Variants in OPLAH observed in about 807,000 individuals in gnomAD.
The protein encoded by OPLAH is 5-oxoprolinase.
Under a neutral mutation model 122.8 loss-of-function variants are expected in OPLAH, and 103 were observed. The observed-to-expected ratio is 0.84, with a 90% CI of 0.71 to 0.99. The LOEUF (loss-of-function observed/expected upper bound fraction) is 0.99. Among genes scored for constraint, OPLAH ranks in the 50% least tolerant of loss-of-function variants. The pLI, the probability that OPLAH is intolerant of heterozygous loss-of-function variation, is 0.00. For synonymous variants in OPLAH, 875 were observed against 796.0 expected (o/e 1.10, Z -1.67); for missense variants, 1,902 against 1,836.5 (o/e 1.04, Z -0.65).
chr8:144,058,840 C>A lies in OPLAH; in HGVS notation c.520G>T (p.Gly174Trp). 1 of 1,582,000 alleles carries A rather than the reference C, an allele frequency of 6.3e-7. No homozygotes were observed. The highest frequency in any genetic ancestry group is 2.3e-5 in the East Asian group (1 of 42,562). The part of the protein sequence containing the change: ...QQPVDLGALR[G>W]KLEGLLSRGI... The stretch of plus-strand genomic sequence containing the variant: ...CGAGATAGCAGCCCCTCCAGCTTCC[C>A]ACGCAGGGCCCCCAGGTCCACAGGC... The change falls in exon 5 of 27, where the codon GGG (glycine) becomes TGG (tryptophan). Residue 174 changes from glycine (G) to tryptophan (W), a missense_variant. Transcript: ENST00000618853.
At chr8:144,063,300 T>C (rs1835692471), upstream of OPLAH, among the ~76,000 whole-genome samples, 1 of 152,146 alleles carries the variant, frequency 6.6e-6, no homozygotes, top group South Asian at 2.1e-4. The surrounding 1 kb of genome is among the most constrained non-coding windows in gnomAD (Gnocchi z 4.2). Flanking sequence ...CCTGTTACTT[T>C]CACCTTCAGA....
chr8:144,051,662 C>T, intron 26 of OPLAH, 67 bp downstream of exon 26: 2 of 1,364,928 alleles, frequency 1.5e-6, no homozygotes, highest in Non-Finnish European at 2.0e-6. Context: ...GCAACTGTTC[C>T]CCCTCTGTGG....
At position 144,056,619 on chromosome 8, in the gene OPLAH, G is replaced by T. The variant is rs377081217; in HGVS notation, c.1843C>A (p.Arg615=). The T allele has an allele frequency of 6.2e-7, 1 of 1,612,106 alleles. No individual in the cohort carries two copies. Among genetic ancestry groups the T allele is most frequent in the Non-Finnish European group, 8.5e-7 (1 of 1,179,772 alleles). ...ATCCGGAGTCAGGAAGCCACGTACC[G>T]CTCCACAAAGGCTGCCCCGAAGTCC... ...AGDFGAAFVE[R]YMREFGFVIP... Residue 615 remains arginine, a splice_region_variant and synonymous_variant, in exon 13 of 27, where the codon CGG becomes AGG. Coordinates refer to ENST00000618853, the MANE Select transcript of OPLAH (RefSeq NM_017570.5).
Position 144,051,482 on chromosome 8 carries a change from CGG to C in OPLAH, c.3721-12_3721-11del. 5.4e-5 allele frequency: 15 copies of C among 278,082 alleles called. No homozygotes were observed. The highest frequency in any genetic ancestry group is 9.0e-5 in the East Asian group (1 of 11,092). The allele number at this position is 278,082 out of a possible 1,614,324, so 17.2% of individuals were successfully genotyped here. A position where few individuals can be genotyped will look rare whatever the true frequency, so the allele number is the denominator to read the frequency against. ...GGAGACAGAACACATCCTGTTGGCG[CGG>C]GGGGGGGCGGGGAGGCGGGCTCAGT... On this transcript the variant is annotated splice_polypyrimidine_tract_variant and intron_variant, in intron 26 of 26. Transcript: ENST00000618853.
At position 144,057,268 on chromosome 8, in the gene OPLAH, C is replaced by G; in HGVS notation, c.1475G>C (p.Gly492Ala). The change falls in exon 11 of 27, where the codon GGT becomes GCT. Residue 492 changes from glycine to alanine, a missense_variant. Physicochemically the swap from Gly to Ala is moderately conservative, Grantham distance 60. Coordinates refer to ENST00000618853, the MANE Select transcript of OPLAH (RefSeq NM_017570.5). Reference sequence around the variant, plus strand: ...GGCGATGGCACATGCATGCTGCCCACCAGCTCCCCCAAAGCAGGCCAGCAC... The same window carrying G: ...GGCGATGGCACATGCATGCTGCCCAGCAGCTCCCCCAAAGCAGGCCAGCAC... ...AHVLACFGGA[G>A]GQHACAIARA... 2 of 1,612,438 alleles carry G rather than the reference C, an allele frequency of 1.2e-6. No homozygotes were observed. Among genetic ancestry groups the G allele is most frequent in the Middle Eastern group, 1.6e-4 (1 of 6,062 alleles).
Position 144,056,415 on chromosome 8 carries a change from T to C in OPLAH, c.1953A>G (p.Lys651=). Residue 651 remains lysine, a synonymous_variant, in exon 14 of 27, where the codon AAA becomes AAG. Coordinates refer to ENST00000618853, the MANE Select transcript of OPLAH (RefSeq NM_017570.5). ...RSGLRLEDAP[K]AQTGPPRVDK... ...CCACCCGGGGAGGCCCGGTCTGGGC[T>C]TTGGGGGCATCCTCGAGGCGAAGAC... The C allele has an allele frequency of 6.2e-7, 1 of 1,608,626 alleles. No homozygotes were observed. Among genetic ancestry groups the C allele is most frequent in the Non-Finnish European group, 8.5e-7 (1 of 1,178,290 alleles).
intron 11 of OPLAH, 39 bp from the exon 12 acceptor site, chr8:144,057,157 C>T (rs1554759451): frequency 6.3e-7 from 1 of 1,595,760 alleles, no homozygotes; most frequent in Non-Finnish European, 8.5e-7. Context: ...AGGTCACCTC[C>T]CAAGCCCGGC....
In OPLAH at chr8:144,055,761, A is replaced by C; in HGVS notation, c.2248+27T>G. 1 of 1,481,254 alleles carries C rather than the reference A, an allele frequency of 6.8e-7. No individual in the cohort carries two copies. Among genetic ancestry groups the C allele is most frequent in the Non-Finnish European group, 9.0e-7 (1 of 1,108,178 alleles). The allele number at this position is 1,481,254 out of a possible 1,614,324, so 91.8% of individuals were successfully genotyped here. A position where few individuals can be genotyped will look rare whatever the true frequency, so the allele number is the denominator to read the frequency against. On this transcript the variant is annotated intron_variant, in intron 16 of 26. Coordinates refer to ENST00000618853, the MANE Select transcript of OPLAH (RefSeq NM_017570.5). The surrounding 1 kb of genome is among the most constrained non-coding windows in gnomAD (Gnocchi z 6.5). Reference sequence around the variant, plus strand: ...CATGACACAGCCGGCGCCTCATCCCACAGGGAGCCTGGCAGCGGCCACTCA... The same window carrying C: ...CATGACACAGCCGGCGCCTCATCCCCCAGGGAGCCTGGCAGCGGCCACTCA...
Position 144,056,130 on chromosome 8 carries a change from G to A in OPLAH, c.2096+17C>T, listed in dbSNP as rs1554758945. 6 of 1,597,444 alleles carry A rather than the reference G, an allele frequency of 3.8e-6. No individual in the cohort carries two copies. Among genetic ancestry groups the A allele is most frequent in the Non-Finnish European group, 5.1e-6 (6 of 1,167,708 alleles). On this transcript the variant is annotated intron_variant, in intron 15 of 26. Coordinates refer to ENST00000618853, the MANE Select transcript of OPLAH (RefSeq NM_017570.5). ...GGACCCGTCCACATCCTCCACCCTG[G>A]CCGGACTTCAGCCCACCTGTTACTG...
Position 144,052,604 on chromosome 8 carries a change from C to G in OPLAH, c.3154-6G>C. On this transcript the variant is annotated splice_polypyrimidine_tract_variant and splice_region_variant and intron_variant, in intron 22 of 26. Coordinates refer to ENST00000618853, the MANE Select transcript of OPLAH (RefSeq NM_017570.5). Reference sequence around the variant, plus strand: ...CGCACTGGCGCCAGGCAGCCCTGTGCGGGGCGGGCGGCTCTCAGGAGCTCT... The same window carrying G: ...CGCACTGGCGCCAGGCAGCCCTGTGGGGGGCGGGCGGCTCTCAGGAGCTCT... The G allele has an allele frequency of 2.5e-6, 4 of 1,586,626 alleles. No individual in the cohort carries two copies. The highest frequency in any genetic ancestry group is 3.4e-6 in the Non-Finnish European group (4 of 1,171,824).
rs782047184 is a variant in OPLAH at position 144,052,014 on chromosome 8, C to T, written c.3524G>A (p.Arg1175Gln). Reference sequence around the variant, plus strand: ...CTCGCGGGTGACGCCGTCGCCGCCTCGGAAGCGGCCTCTGCCCCCCGAGCC... The same window carrying T: ...CTCGCGGGTGACGCCGTCGCCGCCTTGGAAGCGGCCTCTGCCCCCCGAGCC... ...RRGSGGRGRFRGGDGVTRELL... is the reference protein window; with the variant it reads ...RRGSGGRGRFQGGDGVTRELL... Residue 1175 changes from arginine (R) to glutamine (Q), a missense_variant, in exon 25 of 27, where the codon CGA becomes CAA. Physicochemically the swap from Arg to Gln is conservative, Grantham distance 43. Transcript: ENST00000618853. 5 of 1,589,668 alleles carry T rather than the reference C, an allele frequency of 3.1e-6. No individual in the cohort carries two copies. In the African/African-American group the frequency reaches 4.1e-5, roughly 13 times the overall value.
At position 144,052,511 on chromosome 8, in the gene OPLAH, G is replaced by A. The variant is rs1554757932; in HGVS notation, c.3241C>T (p.Leu1081Phe). ...PEAAVVGGNV[L>F]TSQRVVDVIL... ...ACATCCACCACGCGCTGCGACGTGA[G>A]CACGTTGCCGCCCACCACCGCCGCC... Residue 1081 changes from leucine to phenylalanine, a missense_variant, in exon 23 of 27, where the codon CTC becomes TTC. By Grantham distance (22) the Leu-to-Phe change is conservative. Transcript: ENST00000618853. 3 of 1,580,454 alleles carry A rather than the reference G, an allele frequency of 1.9e-6. No individual in the cohort carries two copies. In the South Asian group the frequency reaches 3.4e-5, roughly 18 times the overall value.
At chr8:144,057,810 C>A in intron 9 of OPLAH, 46 bp downstream of exon 9, 1 of 1,603,752 alleles carries the variant, frequency 6.2e-7, no homozygotes, top group Non-Finnish European at 8.5e-7. Context: ...GGGCCTGCGG[C>A]GGCAAGCGGA....
Position 144,051,460 on chromosome 8 carries a change from G to C in OPLAH, c.3733C>G (p.Leu1245Val). 9.7e-7 allele frequency: 1 copy of C among 1,033,372 alleles called. No homozygotes were observed. Among genetic ancestry groups the C allele is most frequent in the Non-Finnish European group, 1.3e-6 (1 of 759,650 alleles). 64.0% of individuals were successfully genotyped at this position (1,033,372 alleles called of 1,614,324 possible). The change falls in exon 27 of 27, where the codon CTC becomes GTC. Residue 1245 changes from leucine (L) to valine (V), a missense_variant. By Grantham distance (32) the Leu-to-Val change is conservative. Coordinates refer to ENST00000618853, the MANE Select transcript of OPLAH (RefSeq NM_017570.5). ...VTVYPGDVFCLHTPGGGGYGD... is the reference protein window; with the variant it reads ...VTVYPGDVFCVHTPGGGGYGD... Reference sequence around the variant, plus strand: ...TAGCCACCGCCGCCGGGCGTGTGGAGACAGAACACATCCTGTTGGCGCGGG... The same window carrying C: ...TAGCCACCGCCGCCGGGCGTGTGGACACAGAACACATCCTGTTGGCGCGGG...
At chr8:144,050,990 C>A (rs539114980), downstream of OPLAH, 192 of 1,090,410 alleles carry the variant, frequency 1.8e-4, no homozygotes, top group Middle Eastern at 4.1e-3. Flanking sequence ...CCGGCCTTCC[C>A]GGCAGAAGCC....
chr8:144,054,974 G>C (rs1353706229), intron 17 of OPLAH, 55 bp downstream of exon 17: 3 of 1,081,790 alleles, frequency 2.8e-6, no homozygotes, highest in Admixed American at 2.9e-5. Context: ...GCGGGGTGGG[G>C]GGGGGGTGGA....
chr8:144,051,166 G>A (rs1254848153), downstream of OPLAH: 7 of 1,433,864 alleles, frequency 4.9e-6, no homozygotes, highest in Non-Finnish European at 6.4e-6. Context: ...ACGGACCACC[G>A]GGCAGTGCGC....
At position 144,055,807 on chromosome 8, in the gene OPLAH, G is replaced by A. The variant is rs782435340; in HGVS notation, c.2229C>T (p.His743=). The A allele has an allele frequency of 1.3e-6, 2 of 1,556,066 alleles. No individual in the cohort carries two copies. Among genetic ancestry groups the A allele is most frequent in the South Asian group, 1.2e-5 (1 of 83,620 alleles). The change falls in exon 16 of 27, where the codon CAC becomes CAT. Residue 743 remains histidine, a synonymous_variant. Transcript: ENST00000618853. The surrounding 1 kb of genome is among the most constrained non-coding windows in gnomAD (Gnocchi z 6.5). ...LDPIQLSIFS[H]RFMSIAEQMG... The stretch of plus-strand genomic sequence containing the variant: ...ACTCACCAGCAATGCTCATGAAGCG[G>A]TGTGAGAAGATGGACAGCTGGATAG...
rs370996397 is a variant in OPLAH at position 144,056,536 on chromosome 8, C to T, written c.1845-13G>A. 15 of 1,612,022 alleles carry T rather than the reference C, an allele frequency of 9.3e-6. No homozygotes were observed. The highest frequency in any genetic ancestry group is 1.6e-4 in the Middle Eastern group (1 of 6,082). ...CTCCCTCATGTACCTGCACTCCCCG[C>T]GGGGACCCAAGGAGTGGTCAGAGTG... On this transcript the variant is annotated splice_polypyrimidine_tract_variant and intron_variant, in intron 13 of 26. Transcript: ENST00000618853.
Sources: gnomAD v4.1 joint callset for allele counts (sites outside exome capture counted in the v4.1 genomes callset) on GRCh38, gnomAD v4.1.1 for gene constraint, Gnocchi (gnomAD v3.1) non-coding constraint, MANE v1.5 for transcripts, NCBI Gene and HGNC (gene_info 2026-07-23, HGNC 2026-07-21) for gene names.